Variants in TPRG1 observed in about 807,000 individuals in gnomAD.
TPRG1 encodes tumor protein p63-regulated gene 1 protein.
TPRG1 carries 29 observed loss-of-function variants against 29.3 expected under a neutral mutation model. That is an observed-to-expected ratio of 0.99 (90% confidence interval 0.74 to 1.35). TPRG1 has a LOEUF of 1.35. TPRG1 is among the 40% of genes most tolerant of loss of function. The pLI is 0.00. For synonymous variants in TPRG1, 130 were observed against 116.8 expected (o/e 1.11, Z -0.73); for missense variants, 327 against 335.0 (o/e 0.98, Z 0.19).
chr3:189,058,471 C>T (rs756339346), intron 4 of TPRG1, among the ~76,000 whole-genome samples: 4 of 152,166 alleles, frequency 2.6e-5, no homozygotes, highest in Non-Finnish European at 5.9e-5. Flanking sequence ...AAACACACAA[C>T]CTAATTAATT....
rs961856918 is a variant in TPRG1, at chr3:189,111,118, A to AG, written c.-744+10914_-744+10915insG. 1.4e-3 allele frequency among the ~76,000 whole-genome samples: 86 copies of AG among 60,768 alleles called. No individual in the cohort carries two copies. The African/African-American group carries it at 0.029, about 21-fold the overall frequency. 39.9% of individuals were successfully genotyped at this position (60,768 alleles called of 152,430 possible). A position where few individuals can be genotyped will look rare whatever the true frequency, so the allele number is the denominator to read the frequency against. ...GCAATTTCTAAAAAAACAAACAAAC[A>AG]AAAAAAATCTTACTAGAATTGCATT... On this transcript the variant is annotated intron_variant, in intron 1 of 6. Transcript: ENST00000412373.
At chr3:189,151,329 G>C (rs1321606007) in intron 5 of TPRG1, among the ~76,000 whole-genome samples, 4 of 152,172 alleles carry the variant, frequency 2.6e-5, no homozygotes, top group Non-Finnish European at 5.9e-5. Context: ...TGTGGGTTGG[G>C]AGATAGAGCT....
chr3:189,235,489 T>C (rs909098763), intron 3 of TPRG1, among the ~76,000 whole-genome samples: 1 of 152,098 alleles, frequency 6.6e-6, no homozygotes. Flanking sequence ...ACGGTGAGTC[T>C]GAATGACTCC....
At chr3:189,065,346 A>G (rs1220665796) in intron 4 of TPRG1, among the ~76,000 whole-genome samples, 2 of 152,170 alleles carry the variant, frequency 1.3e-5, no homozygotes, top group Non-Finnish European at 2.9e-5. Flanking sequence ...TCTGATACCA[A>G]TACCAAACAA....
rs562764151 is a variant in TPRG1 at position 189,022,789 on chromosome 3, A to C, written c.-659-961A>C. Among the ~76,000 whole-genome samples the C allele has an allele frequency of 4.6e-5, 7 of 152,314 alleles. No homozygotes were observed. The East Asian group carries it at 1.4e-3, about 29-fold the overall frequency. On this transcript the variant is annotated intron_variant, in intron 3 of 10. Coordinates refer to the TPRG1 transcript ENST00000433971. Reference sequence around the variant, plus strand: ...AACTTCCCGGCTGCTTTGTTTACCTAATCAAGCCGGGGCAATGGCGGGCGC... The same window carrying C: ...AACTTCCCGGCTGCTTTGTTTACCTCATCAAGCCGGGGCAATGGCGGGCGC...
chr3:189,095,169 C>A (rs1367508408), upstream of TPRG1, among the ~76,000 whole-genome samples: 1 of 152,108 alleles, frequency 6.6e-6, no homozygotes, highest in African/African-American at 2.4e-5. Context: ...GTTCTGAGTA[C>A]CTGCAAGGCT....
intron 4 of TPRG1, among the ~76,000 whole-genome samples, chr3:189,075,718 C>G (rs1007465349): frequency 6.6e-6 from 1 of 152,188 alleles, no homozygotes; most frequent in Admixed American, 6.5e-5. Flanking sequence ...TGTATTTTTA[C>G]AGTCCCACTT....
At chr3:189,276,585 T>C (rs2109111535) in intron 4 of TPRG1, among the ~76,000 whole-genome samples, 1 of 152,308 alleles carries the variant, frequency 6.6e-6, no homozygotes, top group African/African-American at 2.4e-5. Flanking sequence ...TGCCCAAATA[T>C]TGCCTCAAGC....
chr3:189,073,713 C>G (rs914773900), intron 4 of TPRG1, among the ~76,000 whole-genome samples: 30 of 152,120 alleles, frequency 2.0e-4, no homozygotes, highest in African/African-American at 7.0e-4. Context: ...CTTTATACAC[C>G]CCTGTAGGTG....
Position 189,128,506 on chromosome 3 carries a change from C to T in TPRG1, c.-590+1296C>T, listed in dbSNP as rs899189529. Reference sequence around the variant, plus strand: ...CTGAAATTCAAATTTAACTGGAGTCCTATATTTTATCTGGCAACTGTAGTT... The same window carrying T: ...CTGAAATTCAAATTTAACTGGAGTCTTATATTTTATCTGGCAACTGTAGTT... On this transcript the variant is annotated intron_variant, in intron 2 of 6. Transcript: ENST00000412373. 2.6e-5 allele frequency among the ~76,000 whole-genome samples: 4 copies of T among 152,150 alleles called. No homozygotes were observed. The South Asian group carries it at 8.3e-4, about 32-fold the overall frequency.
intron 3 of TPRG1, among the ~76,000 whole-genome samples, chr3:189,216,888 G>C (rs564662722): frequency 6.6e-6 from 1 of 152,254 alleles, no homozygotes; most frequent in Admixed American, 6.5e-5. Flanking sequence ...TGTCAACATA[G>C]ATTTTGGAGA....
chr3:189,135,109 C>T (rs1419106113), intron 3 of TPRG1, among the ~76,000 whole-genome samples: 1 of 152,200 alleles, frequency 6.6e-6, no homozygotes, highest in Non-Finnish European at 1.5e-5. Context: ...TCGTCAGATG[C>T]AGGTGGTTAT....
chr3:189,011,671 C>T (rs1712608974), intron 3 of TPRG1, among the ~76,000 whole-genome samples: 1 of 152,128 alleles, frequency 6.6e-6, no homozygotes, highest in Non-Finnish European at 1.5e-5. Flanking sequence ...CAATCATCTC[C>T]CACTGGGTCC....
At position 189,142,997 on chromosome 3, in the gene TPRG1, A is replaced by G. The variant is rs183131882; in HGVS notation, c.-290-4587A>G. Among the ~76,000 whole-genome samples the G allele has an allele frequency of 1.2e-4, 18 of 152,350 alleles. No individual in the cohort carries two copies. In the East Asian group the frequency reaches 3.3e-3, roughly 28 times the overall value. ...CTCCATAGATTTAAGGCATTTAGCT[A>G]GAGAACAAGTAGAAAGATTATACAA... On this transcript the variant is annotated intron_variant, in intron 3 of 6. Transcript: ENST00000412373.
intron 3 of TPRG1, among the ~76,000 whole-genome samples, chr3:189,135,510 A>G (rs1723638022): frequency 6.6e-6 from 1 of 152,178 alleles, no homozygotes; most frequent in East Asian, 1.9e-4. Flanking sequence ...GACATTTAGC[A>G]ACTTATGCTC....
chr3:189,183,335 A>C (rs1730490787), intron 1 of TPRG1, among the ~76,000 whole-genome samples: 1 of 152,168 alleles, frequency 6.6e-6, no homozygotes. Context: ...GAATATCGCA[A>C]GGCAAATGGA....
intron 4 of TPRG1, among the ~76,000 whole-genome samples, chr3:189,257,830 G>A (rs913424508): frequency 2.6e-5 from 4 of 152,020 alleles, no homozygotes; most frequent in Admixed American, 1.3e-4. Flanking sequence ...CAAGGTTCTC[G>A]TGCTATGTTT....
At chr3:189,291,404 A>G (rs894749191) in intron 4 of TPRG1, among the ~76,000 whole-genome samples, 1 of 152,208 alleles carries the variant, frequency 6.6e-6, no homozygotes, top group East Asian at 1.9e-4. Context: ...TGGAGATAAT[A>G]ATATAGCTCT....
intron 1 of TPRG1, among the ~76,000 whole-genome samples, chr3:189,206,078 C>CT (rs202046097): frequency 4.6e-5 from 5 of 107,810 alleles, no homozygotes; most frequent in Non-Finnish European, 1.0e-4. Flanking sequence ...TTCTTTCTTT[C>CT]TTTTTCTTTC....
Sources: gnomAD v4.1 joint callset for allele counts (sites outside exome capture counted in the v4.1 genomes callset) on GRCh38, gnomAD v4.1.1 for gene constraint, MANE v1.5 for transcripts, NCBI Gene and HGNC (gene_info 2026-07-23, HGNC 2026-07-21) for gene names.